Variants in SH3RF3 observed in about 807,000 individuals in gnomAD.
SH3RF3 encodes the protein SH3 domain containing ring finger 3.
A neutral mutation model predicts 66.3 loss-of-function variants in SH3RF3; 29 were observed. The observed-to-expected ratio is 0.44, with a 90% CI of 0.33 to 0.60. The LOEUF (loss-of-function observed/expected upper bound fraction) is 0.60. SH3RF3 is among the 20% of genes least tolerant of loss of function. The pLI is 0.04. For missense variants in SH3RF3, 1,194 were observed against 1,190.9 expected, an observed-to-expected ratio of 1.00 and a Z score of -0.04; for synonymous variants, 583 against 532.0, an observed-to-expected ratio of 1.10 and a Z score of -1.32.
At chr2:109,384,669 C>T (rs1321399274) in intron 3 of SH3RF3, among the ~76,000 whole-genome samples, 3 of 152,192 alleles carry the variant, frequency 2.0e-5, no homozygotes, top group Admixed American at 6.5e-5. Flanking sequence ...CTCCTGACCA[C>T]GTCCTTGTCA....
chr2:109,201,293 A>G (rs536422230), intron 1 of SH3RF3, among the ~76,000 whole-genome samples: 3 of 152,230 alleles, frequency 2.0e-5, no homozygotes, highest in South Asian at 4.2e-4. Context: ...TCACAGACAG[A>G]CCCCAGCCCC....
chr2:109,470,501 C>A lies in SH3RF3; in HGVS notation c.2149-20104C>A, dbSNP rs767480880. ...GCCCTCTGGTCATTCACTTATTTTT[C>A]ATCTATTGACTTAACAAAATATTTG... On this transcript the variant is annotated intron_variant, in intron 8 of 9. Coordinates refer to ENST00000309415, the MANE Select transcript of SH3RF3 (RefSeq NM_001099289.3). 6.2e-4 allele frequency among the ~76,000 whole-genome samples: 94 copies of A among 152,326 alleles called. No homozygotes were observed. The Middle Eastern group carries it at 0.01, about 17-fold the overall frequency.
chr2:109,321,872 T>G (rs1375299125), intron 1 of SH3RF3, among the ~76,000 whole-genome samples: 2 of 152,226 alleles, frequency 1.3e-5, no homozygotes, highest in Non-Finnish European at 2.9e-5. Context: ...GGATTCCCAC[T>G]GCTTACTTCA....
intron 3 of SH3RF3, among the ~76,000 whole-genome samples, chr2:109,381,742 G>T (rs776327243): frequency 1.3e-5 from 2 of 152,108 alleles, no homozygotes; most frequent in African/African-American, 2.4e-5. Context: ...GATAGTCTCT[G>T]ACATGGAACG....
intron 1 of SH3RF3, among the ~76,000 whole-genome samples, chr2:109,194,117 G>A (rs994007955): frequency 3.3e-4 from 51 of 152,260 alleles, no homozygotes; most frequent in African/African-American, 1.2e-3. Context: ...GGATGCATGG[G>A]CAGTTGCTGT....
chr2:109,258,792 G>T (rs1295862756), intron 1 of SH3RF3, among the ~76,000 whole-genome samples: 2 of 152,336 alleles, frequency 1.3e-5, no homozygotes, highest in East Asian at 3.9e-4. Flanking sequence ...TCCTAATAGG[G>T]GTAGGGTCTT....
chr2:109,132,722 C>A lies in SH3RF3; in HGVS notation c.573+2609C>A, dbSNP rs575336741. ...TTTTAATGGTACTGTCTAACCCTTG[C>A]AGTTGCTAATGTATGCTAAATTTCT... On this transcript the variant is annotated intron_variant, in intron 1 of 9. Transcript: ENST00000309415. Among the ~76,000 whole-genome samples, 141 of 152,302 alleles carry A rather than the reference C, an allele frequency of 9.3e-4. 2 individuals are homozygous for A. The highest frequency in any genetic ancestry group is 3.3e-3 in the African/African-American group (138 of 41,552).
At chr2:109,456,141 T>A (rs540700422) in intron 8 of SH3RF3, among the ~76,000 whole-genome samples, 2 of 152,294 alleles carry the variant, frequency 1.3e-5, no homozygotes, top group South Asian at 4.1e-4. Flanking sequence ...CTGAAGAGTC[T>A]CATGGTCAGC....
At chr2:109,228,267 C>T (rs1470765991) in intron 1 of SH3RF3, among the ~76,000 whole-genome samples, 1 of 152,142 alleles carries the variant, frequency 6.6e-6, no homozygotes, top group Non-Finnish European at 1.5e-5. Context: ...GCGTGTCTAT[C>T]CCCCAAAGGC....
intron 1 of SH3RF3, among the ~76,000 whole-genome samples, chr2:109,342,451 G>A (rs1242201289): frequency 6.6e-6 from 1 of 152,176 alleles, no homozygotes; most frequent in Non-Finnish European, 1.5e-5. Flanking sequence ...TGTCCTGATG[G>A]GCTAATTGTG....
chr2:109,335,677 A>C (rs2105506525), intron 1 of SH3RF3, among the ~76,000 whole-genome samples: 1 of 152,044 alleles, frequency 6.6e-6, no homozygotes, highest in African/African-American at 2.4e-5. Context: ...CATAAACTCC[A>C]CCCGGGTGGG....
intron 1 of SH3RF3, among the ~76,000 whole-genome samples, chr2:109,246,985 G>C (rs986155153): frequency 2.6e-5 from 4 of 152,258 alleles, no homozygotes; most frequent in African/African-American, 9.6e-5. Context: ...GGTGGAGGAT[G>C]CTGGTTAGTC....
At chr2:109,453,294 C>A (rs979364224) in intron 8 of SH3RF3, among the ~76,000 whole-genome samples, 1 of 152,182 alleles carries the variant, frequency 6.6e-6, no homozygotes, top group African/African-American at 2.4e-5. Flanking sequence ...GTGGCCAGGC[C>A]CCCAACACCC....
intron 1 of SH3RF3, among the ~76,000 whole-genome samples, chr2:109,193,571 G>A (rs1269071995): frequency 6.6e-6 from 1 of 152,134 alleles, no homozygotes; most frequent in African/African-American, 2.4e-5. Flanking sequence ...CACCCATGTG[G>A]TATGTGCCAT....
intron 1 of SH3RF3, among the ~76,000 whole-genome samples, chr2:109,306,870 C>T (rs1233073093): frequency 6.6e-6 from 1 of 152,184 alleles, no homozygotes; most frequent in Admixed American, 6.5e-5. Flanking sequence ...AGAGCCAAAG[C>T]TTGGTTCAAC....
At chr2:109,307,000 A>G (rs937141016) in intron 1 of SH3RF3, among the ~76,000 whole-genome samples, 1 of 152,242 alleles carries the variant, frequency 6.6e-6, no homozygotes, top group African/African-American at 2.4e-5. Flanking sequence ...AGGTAACATA[A>G]TTGAGGGCAC....
chr2:109,492,668 C>T (rs1346985933), intron 9 of SH3RF3, among the ~76,000 whole-genome samples: 1 of 152,160 alleles, frequency 6.6e-6, no homozygotes, highest in Non-Finnish European at 1.5e-5. Context: ...AGGTAACTGG[C>T]CCAAGATCAC....
At chr2:109,453,626 G>A (rs1057048236) in intron 8 of SH3RF3, among the ~76,000 whole-genome samples, 2 of 152,202 alleles carry the variant, frequency 1.3e-5, no homozygotes. Context: ...ACTCATCTGT[G>A]TATTGCAAAG....
At chr2:109,300,481 C>CA (rs1256532788) in intron 1 of SH3RF3, among the ~76,000 whole-genome samples, 1 of 152,198 alleles carries the variant, frequency 6.6e-6, no homozygotes, top group Non-Finnish European at 1.5e-5. Flanking sequence ...CGCCCATCCG[C>CA]ACCCTGAGTT....
Sources: gnomAD v4.1 joint callset for allele counts (sites outside exome capture counted in the v4.1 genomes callset) on GRCh38, gnomAD v4.1.1 for gene constraint, MANE v1.5 for transcripts, NCBI Gene and HGNC (gene_info 2026-07-23, HGNC 2026-07-21) for gene names.